The following DACH1 variants were observed in gnomAD, a reference collection of about 807,000 sequenced individuals.
DACH1 encodes dachshund family transcription factor 1.
In DACH1, 12 loss-of-function variants were observed where a neutral mutation model predicts 54.2. The ratio of observed to expected loss-of-function variants is 0.22; its 90% CI spans 0.14 to 0.36. DACH1 has a LOEUF of 0.36. DACH1 is among the 10% of genes least tolerant of loss of function. The pLI, the probability that DACH1 is intolerant of heterozygous loss-of-function variation, is 1.00. For synonymous variants in DACH1, 386 were observed against 366.2 expected (o/e 1.05, Z -0.62); for missense variants, 805 against 929.8 (o/e 0.87, Z 1.75).
At chr13:71,560,960 C>T (rs1884546239) in intron 4 of DACH1, among the ~76,000 whole-genome samples, 1 of 151,752 alleles carries the variant, frequency 6.6e-6, no homozygotes, top group South Asian at 2.1e-4. Flanking sequence ...TACATTATTC[C>T]TTATTAGAGA....
rs975319559 is a variant in DACH1 at position 71,532,721 on chromosome 13, T to G, written c.1570+24303A>C. Among the ~76,000 whole-genome samples, 5 of 151,952 alleles carry G rather than the reference T, an allele frequency of 3.3e-5. No individual in the cohort carries two copies. In the South Asian group the frequency reaches 1.0e-3, roughly 31 times the overall value. ...GATTTAGGAAAAAAATGCTTCTATCTAAATAATCTATGACTACAGCTTTAA... is the reference window on the plus strand; with the variant it reads ...GATTTAGGAAAAAAATGCTTCTATCGAAATAATCTATGACTACAGCTTTAA... On this transcript the variant is annotated intron_variant, in intron 6 of 10. Coordinates refer to ENST00000613252, the MANE Select transcript of DACH1 (RefSeq NM_080759.6).
chr13:71,768,386 G>A (rs1442046123), intron 1 of DACH1, among the ~76,000 whole-genome samples: 5 of 151,930 alleles, frequency 3.3e-5, no homozygotes, highest in Admixed American at 1.3e-4. Flanking sequence ...GCCAAGATGT[G>A]ATGAAAGTTC....
intron 6 of DACH1, among the ~76,000 whole-genome samples, chr13:71,526,426 A>G (rs1881959433): frequency 6.6e-6 from 1 of 152,092 alleles, no homozygotes; most frequent in Non-Finnish European, 1.5e-5. Context: ...CTAAAAGACA[A>G]CGGAAGTTGA....
chr13:71,824,851 G>A (rs1187065011), intron 1 of DACH1, among the ~76,000 whole-genome samples: 1 of 152,002 alleles, frequency 6.6e-6, no homozygotes, highest in African/African-American at 2.4e-5. Flanking sequence ...TCATTGACTT[G>A]AGCAATTTAA....
At position 71,866,551 on chromosome 13, in the gene DACH1, G is replaced by A. The variant is rs587717483; in HGVS notation, c.219C>T (p.Thr73=). The A allele has an allele frequency of 8.0e-7, 1 of 1,254,156 alleles. No individual in the cohort carries two copies. Among genetic ancestry groups the A allele is most frequent in the Non-Finnish European group, 1.0e-6 (1 of 996,656 alleles). The allele number at this position is 1,254,156 out of a possible 1,614,324, so 77.7% of individuals were successfully genotyped here. Residue 73 remains threonine (T), a synonymous_variant, in exon 1 of 11, where the codon ACC becomes ACT. Transcript: ENST00000613252. ...TGCCGCCGCCGCCGCCGCCGCCGCC[G>A]GTAGAGGTGACTGTGGCCGCCGCCG... The part of the protein sequence containing the change: ...AAAAAATVTS[T]GGGGGGGGSG...
At chr13:71,572,157 A>G (rs1176503749) in intron 4 of DACH1, among the ~76,000 whole-genome samples, 1 of 152,206 alleles carries the variant, frequency 6.6e-6, no homozygotes, top group East Asian at 1.9e-4. Flanking sequence ...CTCCTTAGCC[A>G]GACAACGCAG....
intron 1 of DACH1, among the ~76,000 whole-genome samples, chr13:71,695,823 T>C (rs1881802543): frequency 6.6e-6 from 1 of 152,220 alleles, no homozygotes; most frequent in Admixed American, 6.5e-5. Flanking sequence ...TCAGTAGCCT[T>C]GGCTAACTCA....
At chr13:71,695,090 G>T (rs1433186968) in intron 1 of DACH1, among the ~76,000 whole-genome samples, 1 of 152,174 alleles carries the variant, frequency 6.6e-6, no homozygotes, top group East Asian at 1.9e-4. Context: ...GTCTAGAAAA[G>T]ACAACAGCTA....
intron 3 of DACH1, among the ~76,000 whole-genome samples, chr13:71,599,759 ATTTT>A (rs1033261496): frequency 6.6e-6 from 1 of 151,538 alleles, no homozygotes; most frequent in Non-Finnish European, 1.5e-5. Flanking sequence ...GCTAATGTTA[ATTTT>A]TTTTACATGT....
chr13:71,486,039 T>A (rs1189873218), intron 7 of DACH1, among the ~76,000 whole-genome samples: 1 of 151,894 alleles, frequency 6.6e-6, no homozygotes, highest in African/African-American at 2.4e-5. Flanking sequence ...TTATAGTATT[T>A]TTCTATAGAT....
chr13:71,849,638 T>A (rs535134778), intron 1 of DACH1, among the ~76,000 whole-genome samples: 3 of 152,262 alleles, frequency 2.0e-5, no homozygotes, highest in African/African-American at 4.8e-5. Context: ...GACTCCTTAT[T>A]TCCCCCCCAT....
chr13:71,516,387 A>C (rs1309683445), intron 6 of DACH1, among the ~76,000 whole-genome samples: 1 of 151,728 alleles, frequency 6.6e-6, no homozygotes, highest in Non-Finnish European at 1.5e-5. Context: ...AGGGTCTCAA[A>C]CATCTAGCTG....
intron 1 of DACH1, among the ~76,000 whole-genome samples, chr13:71,842,029 A>T (rs1488586589): frequency 1.3e-5 from 2 of 152,208 alleles, no homozygotes; most frequent in Non-Finnish European, 2.9e-5. Context: ...TATACAACTC[A>T]TTTTAGGCTG....
chr13:71,697,870 A>T (rs1257596005), intron 1 of DACH1, among the ~76,000 whole-genome samples: 3 of 152,180 alleles, frequency 2.0e-5, no homozygotes, highest in Non-Finnish European at 4.4e-5. Context: ...TGAAAAGTTG[A>T]AATAGAGCCC....
chr13:71,606,005 CTA>C, intron 3 of DACH1, among the ~76,000 whole-genome samples: 1 of 152,058 alleles, frequency 6.6e-6, no homozygotes. Context: ...CTCACTGAAG[CTA>C]CACTGTTGTG....
intron 1 of DACH1, among the ~76,000 whole-genome samples, chr13:71,839,291 A>C (rs1888925357): frequency 6.6e-6 from 1 of 152,184 alleles, no homozygotes; most frequent in African/African-American, 2.4e-5. Context: ...GTAACTTTGA[A>C]ATCCATCTAA....
At chr13:71,523,908 T>G (rs1312158272) in intron 6 of DACH1, among the ~76,000 whole-genome samples, 1 of 152,174 alleles carries the variant, frequency 6.6e-6, no homozygotes, top group African/African-American at 2.4e-5. Context: ...ATATGCAGTA[T>G]GTGAAAATTA....
At chr13:71,837,602 C>T (rs191511665) in intron 1 of DACH1, among the ~76,000 whole-genome samples, 29 of 152,024 alleles carry the variant, frequency 1.9e-4, no homozygotes, top group East Asian at 9.7e-4. Context: ...CTTATTAAAG[C>T]GAAGGAATGA....
At chr13:71,746,285 G>A (rs1043154772) in intron 1 of DACH1, among the ~76,000 whole-genome samples, 2 of 152,074 alleles carry the variant, frequency 1.3e-5, no homozygotes, top group Admixed American at 6.5e-5. Flanking sequence ...ATACATGAAT[G>A]AAGAGGAAAC....
Sources: gnomAD v4.1 joint callset for allele counts (sites outside exome capture counted in the v4.1 genomes callset) on GRCh38, gnomAD v4.1.1 for gene constraint, MANE v1.5 for transcripts, NCBI Gene and HGNC (gene_info 2026-07-23, HGNC 2026-07-21) for gene names.